ZNF469: variants seen among roughly 807,000 people sequenced by gnomAD.
ZNF469 encodes zinc finger protein 469.
ZNF469 carries 1 observed loss-of-function variant against 1.0 expected under a neutral mutation model. The observed-to-expected ratio is 1.00, with a 90% CI of 0.35 to 4.73. ZNF469 has a LOEUF of 4.73. ZNF469 is among the 30% of genes most tolerant of loss of function. The pLI, the probability that ZNF469 is intolerant of heterozygous loss-of-function variation, is 0.16. For missense variants in ZNF469, 6,100 were observed against 5,356.3 expected (o/e 1.14, Z -4.33); for synonymous variants, 2,703 against 2,363.4 (o/e 1.14, Z -4.17).
chr16:88,435,550 C>T lies in ZNF469; in HGVS notation c.8080C>T (p.Arg2694Cys), dbSNP rs540443650. The T allele has an allele frequency of 5.8e-5, 90 of 1,549,778 alleles. No homozygotes were observed. The Middle Eastern group carries it at 8.3e-4, about 14-fold the overall frequency. ...GPEADGEQPP[R>C]LATLGPGVME... ...TGAGGCTGACGGGGAGCAGCCGCCT[C>T]GCTTGGCCACTCTGGGACCTGGGGT... Residue 2694 changes from arginine (R) to cysteine (C), a missense_variant, in exon 3 of 3, where the codon CGC becomes TGC. By Grantham distance (180) the Arg-to-Cys change is radical. Transcript: ENST00000565624.
the ZNF469 span, among the ~76,000 whole-genome samples, chr16:88,151,823 T>G: frequency 6.6e-6 from 1 of 152,220 alleles, no homozygotes; most frequent in Non-Finnish European, 1.5e-5. The surrounding 1 kb of genome is among the most constrained non-coding windows in gnomAD (Gnocchi z 5.4). Context: ...CCTCCAACAA[T>G]TTTTAAGGCA....
the ZNF469 span, among the ~76,000 whole-genome samples, chr16:88,230,987 G>C: frequency 0.74 from 112,314 of 151,532 alleles, 43,730 homozygotes; most frequent in Middle Eastern, 0.88. Context: ...AGGACACACG[G>C]CTGGAACTCT....
At chr16:88,249,514 G>A in the ZNF469 span, among the ~76,000 whole-genome samples, 7 of 130,576 alleles carry the variant, frequency 5.4e-5, no homozygotes, top group Non-Finnish European at 1.1e-4. Flanking sequence ...TCGGCTCACT[G>A]CAAGCTCCAC....
the ZNF469 span, among the ~76,000 whole-genome samples, chr16:88,259,740 C>T: frequency 6.6e-6 from 1 of 152,168 alleles, no homozygotes; most frequent in African/African-American, 2.4e-5. The surrounding 1 kb of genome is among the most constrained non-coding windows in gnomAD (Gnocchi z 4.1). Context: ...CACACCGTGG[C>T]CCCCAAGCGG....
the ZNF469 span, among the ~76,000 whole-genome samples, chr16:88,311,480 T>C: frequency 1.3e-5 from 2 of 152,208 alleles, no homozygotes; most frequent in African/African-American, 2.4e-5. Flanking sequence ...TTTACCCTGA[T>C]TGGAGAAGCA....
At chr16:88,228,564 A>T in the ZNF469 span, among the ~76,000 whole-genome samples, 1 of 152,206 alleles carries the variant, frequency 6.6e-6, no homozygotes, top group Non-Finnish European at 1.5e-5. Flanking sequence ...TCCGTAACTT[A>T]TTTTGAAAGC....
At chr16:88,414,880 C>T (rs773774809) in intron 1 of ZNF469, among the ~76,000 whole-genome samples, 30 of 152,346 alleles carry the variant, frequency 2.0e-4, no homozygotes, top group Non-Finnish European at 3.8e-4. Flanking sequence ...CCAGTTAGGG[C>T]GGGGCAGAGG....
At chr16:88,381,135 C>G (rs369221580), upstream of ZNF469, among the ~76,000 whole-genome samples, 76 of 144,692 alleles carry the variant, frequency 5.3e-4, 2 homozygotes, top group South Asian at 0.015. Flanking sequence ...CACAGACATG[C>G]ACTCACACAC....
the ZNF469 span, among the ~76,000 whole-genome samples, chr16:88,261,387 G>T: frequency 6.6e-6 from 1 of 152,186 alleles, no homozygotes; most frequent in Non-Finnish European, 1.5e-5. This position sits in a 1 kb window ranked among gnomAD's most constrained non-coding sequence, Gnocchi z 6.0. Flanking sequence ...CAAGGCTAAG[G>T]GGTAAGTACA....
intron 2 of ZNF469, among the ~76,000 whole-genome samples, 158 bp from the exon 3 acceptor site, chr16:88,427,187 C>T (rs1287798524): frequency 1.3e-5 from 2 of 152,136 alleles, no homozygotes; most frequent in Admixed American, 1.3e-4. Context: ...AGGGGCTGAG[C>T]CGAGCATCCC....
At chr16:88,253,100 T>G in the ZNF469 span, among the ~76,000 whole-genome samples, 4 of 152,220 alleles carry the variant, frequency 2.6e-5, no homozygotes, top group Admixed American at 2.6e-4. Flanking sequence ...TTCAGGTCAC[T>G]TACTTGTTAA....
At chr16:88,180,003 C>T in the ZNF469 span, among the ~76,000 whole-genome samples, 1 of 152,130 alleles carries the variant, frequency 6.6e-6, no homozygotes, top group Non-Finnish European at 1.5e-5. Flanking sequence ...AACAGCTACA[C>T]TAAGAGGTAT....
rs1404388353 is a variant in ZNF469, at chr16:88,415,616, A to G, written c.-191-9191A>G. 2.6e-5 allele frequency among the ~76,000 whole-genome samples: 4 copies of G among 152,298 alleles called. No individual in the cohort carries two copies. The East Asian group carries it at 5.8e-4, about 22-fold the overall frequency. ...CACTCCAGGTGGCCACCCAGACAGG[A>G]TGTCTTCCAGGGGCAGGAGGACACG... On this transcript the variant is annotated intron_variant, in intron 1 of 2. Coordinates refer to ENST00000565624, the MANE Select transcript of ZNF469 (RefSeq NM_001367624.2).
At chr16:88,296,212 T>C in the ZNF469 span, among the ~76,000 whole-genome samples, 2 of 152,062 alleles carry the variant, frequency 1.3e-5, no homozygotes, top group Non-Finnish European at 2.9e-5. Context: ...GTGTCCAGAC[T>C]CCAGATGCCT....
the ZNF469 span, among the ~76,000 whole-genome samples, chr16:88,289,727 C>A: frequency 1.3e-5 from 2 of 152,190 alleles, no homozygotes; most frequent in African/African-American, 2.4e-5. Flanking sequence ...TGTTCCTAAG[C>A]TCTCTTGGTC....
chr16:88,332,680 A>G, the ZNF469 span, among the ~76,000 whole-genome samples: 3 of 151,918 alleles, frequency 2.0e-5, no homozygotes, highest in Non-Finnish European at 4.4e-5. Flanking sequence ...CCCCTAAGGG[A>G]CTCCAGAACC....
chr16:88,437,165 C>G lies in ZNF469; in HGVS notation c.9695C>G (p.Thr3232Arg). 1 of 1,549,360 alleles carries G rather than the reference C, an allele frequency of 6.5e-7. No individual in the cohort carries two copies. Among genetic ancestry groups the G allele is most frequent in the Non-Finnish European group, 8.7e-7 (1 of 1,146,592 alleles). The part of the protein sequence containing the change: ...SAVAHLLNSI[T>R]EPAPKHHRGK... Reference sequence around the variant, plus strand: ...GTCGCCCACCTTCTGAACAGCATCACGGAACCCGCGCCCAAACACCACAGG... The same window carrying G: ...GTCGCCCACCTTCTGAACAGCATCAGGGAACCCGCGCCCAAACACCACAGG... The change falls in exon 3 of 3, where the codon ACG (threonine) becomes AGG (arginine). Residue 3232 changes from threonine to arginine, a missense_variant. Physicochemically the swap from Thr to Arg is moderately conservative, Grantham distance 71. Transcript: ENST00000565624.
chr16:88,158,880 T>G, the ZNF469 span, among the ~76,000 whole-genome samples: 263 of 152,046 alleles, frequency 1.7e-3, 3 homozygotes, highest in Middle Eastern at 6.8e-3. Flanking sequence ...AGAATCAAGT[T>G]GTGGTTCTGA....
chr16:88,321,227 C>CTGGGGCAAGTCTGAAATCCG, the ZNF469 span, among the ~76,000 whole-genome samples: 2 of 152,374 alleles, frequency 1.3e-5, no homozygotes, highest in East Asian at 3.9e-4. Context: ...CGGGATCTTG[C>CTGGGGCAAGTCTGAAATCCG]TGGGGCAAGT....
Sources: allele counts gnomAD v4.1 joint callset (sites outside exome capture counted in the v4.1 genomes callset), GRCh38; gene constraint gnomAD v4.1.1; non-coding constraint Gnocchi (gnomAD v3.1); transcripts MANE v1.5; gene names NCBI Gene and HGNC (gene_info 2026-07-23, HGNC 2026-07-21).